PCDHGB2: variants seen among roughly 807,000 people sequenced by gnomAD.
PCDHGB2 encodes the protein protocadherin gamma-B2.
PCDHGB2 carries 55 observed loss-of-function variants against 59.3 expected under a neutral mutation model. The observed-to-expected ratio is 0.93, with a 90% CI of 0.75 to 1.16. The LOEUF (loss-of-function observed/expected upper bound fraction) is 1.16, where lower values mean the gene tolerates loss of function less well. Ranked by LOEUF, PCDHGB2 falls within the 50% of genes most tolerant of loss-of-function variation. PCDHGB2 has a pLI of 0.00. For synonymous variants in PCDHGB2, 516 were observed against 512.0 expected (o/e 1.01, Z -0.11); for missense variants, 1,228 against 1,198.5 (o/e 1.02, Z -0.36).
chr5:141,412,805 A>G (rs2095578499), intron 1 of PCDHGB2, among the ~76,000 whole-genome samples: 1 of 152,246 alleles, frequency 6.6e-6, no homozygotes, highest in Non-Finnish European at 1.5e-5. Context: ...ACCTCCCCTA[A>G]GAAACCTACA....
intron 1 of PCDHGB2, among the ~76,000 whole-genome samples, chr5:141,387,427 GT>G (rs1416187411): frequency 6.6e-6 from 1 of 152,220 alleles, no homozygotes; most frequent in Non-Finnish European, 1.5e-5. Context: ...GTCAATAAAT[GT>G]TTATGTACTT....
At chr5:141,392,505 T>G (rs1271878225) in intron 1 of PCDHGB2, 1 of 227,850 alleles carries the variant, frequency 4.4e-6, no homozygotes, top group African/African-American at 2.3e-5. Flanking sequence ...ATGATTTTTT[T>G]TTCTCAGTAA....
At chr5:141,408,148 G>C in intron 1 of PCDHGB2, 2 of 1,504,962 alleles carry the variant, frequency 1.3e-6, no homozygotes, top group Non-Finnish European at 1.8e-6. Context: ...TAGCGCGGTA[G>C]AGTGCACTTT....
In PCDHGB2 at chr5:141,384,330, G is replaced by A. The variant is rs758151138; in HGVS notation, c.2421+21774G>A. 44 of 1,613,830 alleles carry A rather than the reference G, an allele frequency of 2.7e-5. No individual in the cohort carries two copies. The African/African-American group carries it at 2.8e-4, about 10-fold the overall frequency. On this transcript the variant is annotated intron_variant, in intron 1 of 3. Coordinates refer to ENST00000522605, the MANE Select transcript of PCDHGB2 (RefSeq NM_018923.3). ...CCTCCATTTTCTTAGTGACTGCACA[G>A]GACCACGACAGTGAGGATAATGCCC...
chr5:141,487,667 A>G lies in PCDHGB2; in HGVS notation c.2422-7140A>G, dbSNP rs2099657916. ...GCTTGAGGGTTATTCTGATCCAGGC[A>G]TATGGCTAGGCCATGTCCTAGAGAG... On this transcript the variant is annotated intron_variant, in intron 1 of 3. Transcript: ENST00000522605. This position sits in a 1 kb window ranked among gnomAD's most constrained non-coding sequence, Gnocchi z 5.0. 6.2e-7 allele frequency: 1 copy of G among 1,612,782 alleles called. No individual in the cohort carries two copies. The highest frequency in any genetic ancestry group is 1.1e-5 in the South Asian group (1 of 90,692).
chr5:141,438,392 A>C (rs2097958012), intron 1 of PCDHGB2, among the ~76,000 whole-genome samples: 1 of 151,714 alleles, frequency 6.6e-6, no homozygotes, highest in African/African-American at 2.4e-5. Context: ...TTAGTTCATC[A>C]TTAACTCTCT....
At chr5:141,468,191 G>A (rs1420885521) in intron 1 of PCDHGB2, among the ~76,000 whole-genome samples, 1 of 151,860 alleles carries the variant, frequency 6.6e-6, no homozygotes, top group African/African-American at 2.4e-5. Flanking sequence ...TGGGCATGGT[G>A]GCGGGTGCCT....
chr5:141,380,502 T>C (rs932449846), intron 1 of PCDHGB2, among the ~76,000 whole-genome samples: 2 of 152,190 alleles, frequency 1.3e-5, no homozygotes, highest in Admixed American at 1.3e-4. Flanking sequence ...AACAATAATA[T>C]ACACTCTTTA....
Position 141,423,758 on chromosome 5 carries a change from GGGT to G in PCDHGB2, c.2421+61205_2421+61207del, listed in dbSNP as rs776356896. The G allele has an allele frequency of 7.0e-4, 256 of 366,834 alleles. 2 individuals are homozygous for G. The highest frequency in any genetic ancestry group is 6.8e-3 in the African/African-American group (232 of 34,230). The allele number at this position is 366,834 out of a possible 1,614,324, so 22.7% of individuals were successfully genotyped here. A position where few individuals can be genotyped will look rare whatever the true frequency, so the allele number is the denominator to read the frequency against. ...CTGTTATGAAAACTGTTTGGGGGGG[GGGT>G]GGGGCGGCATATATTTAGTTCATAT... On this transcript the variant is annotated intron_variant, in intron 1 of 3. Coordinates refer to ENST00000522605, the MANE Select transcript of PCDHGB2 (RefSeq NM_018923.3).
chr5:141,501,390 T>TCAC (rs1033806087), intron 2 of PCDHGB2, among the ~76,000 whole-genome samples: 4 of 151,794 alleles, frequency 2.6e-5, no homozygotes, highest in African/African-American at 9.7e-5. Flanking sequence ...CTAGGTCCTG[T>TCAC]CACAGGCCAC....
rs866878519 is a variant in PCDHGB2, at chr5:141,486,035, C to A, written c.2422-8772C>A. ...TTATTTCAGTGGTCATACCCCTGAT[C>A]GTGTAAGAAACCTCTTTAGCCTGCA... is the stretch of plus-strand genomic sequence containing the variant. On this transcript the variant is annotated intron_variant, in intron 1 of 3. Coordinates refer to ENST00000522605, the MANE Select transcript of PCDHGB2 (RefSeq NM_018923.3). This position sits in a 1 kb window ranked among gnomAD's most constrained non-coding sequence, Gnocchi z 5.0. The A allele has an allele frequency of 1.9e-6, 3 of 1,614,100 alleles. No homozygotes were observed. The East Asian group carries it at 6.7e-5, about 36-fold the overall frequency.
intron 1 of PCDHGB2, among the ~76,000 whole-genome samples, chr5:141,460,120 A>C (rs1404213559): frequency 1.3e-5 from 2 of 151,956 alleles, no homozygotes; most frequent in Non-Finnish European, 2.9e-5. Flanking sequence ...ATTTTTATAT[A>C]TGTAATATAT....
chr5:141,420,673 A>T (rs1244699899), intron 1 of PCDHGB2, among the ~76,000 whole-genome samples: 5 of 152,208 alleles, frequency 3.3e-5, no homozygotes, highest in Admixed American at 3.3e-4. Flanking sequence ...CTACCTGATG[A>T]TTTTATCGGG....
At chr5:141,391,890 G>A (rs2092437971) in intron 1 of PCDHGB2, 1 of 152,182 alleles carries the variant, frequency 6.6e-6, no homozygotes, top group Non-Finnish European at 1.5e-5. Context: ...AAAGGGATGG[G>A]ATGGAGCTTT....
chr5:141,418,869 T>A (rs1261615662), intron 1 of PCDHGB2: 1 of 1,613,830 alleles, frequency 6.2e-7, no homozygotes, highest in Non-Finnish European at 8.5e-7. Flanking sequence ...ATTGTAGAAG[T>A]TGTAGACGAA....
rs143939286 is a variant in PCDHGB2 at position 141,427,522 on chromosome 5, T to C, written c.2421+64966T>C. 6.1e-3 allele frequency: 3,716 copies of C among 607,796 alleles called. 27 individuals are homozygous for C. The highest frequency in any genetic ancestry group is 8.8e-3 in the Non-Finnish European group (2,868 of 324,656). The allele number at this position is 607,796 out of a possible 1,614,324, so 37.7% of individuals were successfully genotyped here. A position where few individuals can be genotyped will look rare whatever the true frequency, so the allele number is the denominator to read the frequency against. On this transcript the variant is annotated intron_variant, in intron 1 of 3. Transcript: ENST00000522605. ...GATGGGACCCTGGATTGGGAGCGGATCCCGGAGTACAACGTCACCATCACT... is the reference window on the plus strand; with the variant it reads ...GATGGGACCCTGGATTGGGAGCGGACCCCGGAGTACAACGTCACCATCACT...
At chr5:141,495,571 C>T (rs1031548699) in intron 2 of PCDHGB2, among the ~76,000 whole-genome samples, 1 of 152,198 alleles carries the variant, frequency 6.6e-6, no homozygotes, top group African/African-American at 2.4e-5. Flanking sequence ...TCTGCCTCTC[C>T]CTCTCTTCTC....
rs781586915 is a variant in PCDHGB2, at chr5:141,389,444, C to G, written c.2421+26888C>G. 7.0e-5 allele frequency: 112 copies of G among 1,610,446 alleles called. No homozygotes were observed. Among genetic ancestry groups the G allele is most frequent in the Middle Eastern group, 1.7e-4 (1 of 5,992 alleles). On this transcript the variant is annotated intron_variant, in intron 1 of 3. Transcript: ENST00000522605. Reference sequence around the variant, plus strand: ...TGTTCGCGCAGCGCGCCTTCGACCACGAGCAGCTGCGCGCCTTCGAACTCA... The same window carrying G: ...TGTTCGCGCAGCGCGCCTTCGACCAGGAGCAGCTGCGCGCCTTCGAACTCA...
At chr5:141,478,920 C>A (rs559060283) in intron 1 of PCDHGB2, 1 of 728,392 alleles carries the variant, frequency 1.4e-6, no homozygotes. Context: ...ATACCTCTAA[C>A]CAGTGGCAGC....
Sources: allele counts gnomAD v4.1 joint callset (sites outside exome capture counted in the v4.1 genomes callset), GRCh38; gene constraint gnomAD v4.1.1; non-coding constraint Gnocchi (gnomAD v3.1); transcripts MANE v1.5; gene names NCBI Gene and HGNC (gene_info 2026-07-23, HGNC 2026-07-21).